PPP3CA: variants seen among roughly 807,000 people sequenced by gnomAD.
The protein encoded by PPP3CA is protein phosphatase 3 catalytic subunit alpha.
Under a neutral mutation model 66.5 loss-of-function variants are expected in PPP3CA, and 14 were observed. The ratio of observed to expected loss-of-function variants is 0.21; its 90% CI spans 0.14 to 0.33. The LOEUF is 0.33. PPP3CA is among the 10% of genes least tolerant of loss of function. PPP3CA has a pLI of 1.00. For synonymous variants in PPP3CA, 232 were observed against 226.2 expected (o/e 1.03, Z -0.23); for missense variants, 317 against 639.5 (o/e 0.50, Z 5.44).
chr4:101,194,337 T>A (rs181756080), intron 2 of PPP3CA, among the ~76,000 whole-genome samples: 4 of 152,186 alleles, frequency 2.6e-5, no homozygotes, highest in African/African-American at 4.8e-5. Flanking sequence ...CAAATTCAAA[T>A]ATTCATTTGA....
intron 1 of PPP3CA, among the ~76,000 whole-genome samples, chr4:101,326,108 C>T (rs1308839659): frequency 6.6e-6 from 1 of 152,078 alleles, no homozygotes; most frequent in African/African-American, 2.4e-5. Context: ...TGCACGCCAG[C>T]ATGGGCGACA....
At chr4:101,223,144 A>C (rs1284451711) in intron 1 of PPP3CA, among the ~76,000 whole-genome samples, 4 of 151,764 alleles carry the variant, frequency 2.6e-5, no homozygotes, top group Non-Finnish European at 4.4e-5. Flanking sequence ...AGTTTCCTAG[A>C]CTAATGGAAA....
At chr4:101,216,394 C>G (rs1392798993) in intron 1 of PPP3CA, among the ~76,000 whole-genome samples, 1 of 151,996 alleles carries the variant, frequency 6.6e-6, no homozygotes, top group East Asian at 1.9e-4. Flanking sequence ...TTACTGTTCC[C>G]AATCATGGTG....
At chr4:101,272,693 G>A (rs1310831118) in intron 1 of PPP3CA, among the ~76,000 whole-genome samples, 1 of 152,096 alleles carries the variant, frequency 6.6e-6, no homozygotes, top group Admixed American at 6.6e-5. Flanking sequence ...GAGATTAAAT[G>A]CATTAATATC....
At chr4:101,090,480 T>C (rs1365793822) in intron 6 of PPP3CA, among the ~76,000 whole-genome samples, 1 of 151,506 alleles carries the variant, frequency 6.6e-6, no homozygotes, top group Non-Finnish European at 1.5e-5. Context: ...CCGTCTCTAC[T>C]AAAAATAAAA....
chr4:101,105,989 G>A (rs1231580886), intron 3 of PPP3CA, among the ~76,000 whole-genome samples: 4 of 151,992 alleles, frequency 2.6e-5, no homozygotes, highest in African/African-American at 9.7e-5. Context: ...ATGAATTTAA[G>A]AGTTACTAAA....
intron 1 of PPP3CA, among the ~76,000 whole-genome samples, chr4:101,203,227 T>C (rs1725024571): frequency 1.3e-5 from 2 of 152,178 alleles, no homozygotes; most frequent in Admixed American, 1.3e-4. Context: ...CCGGGTGCGG[T>C]GGCTCACGCT....
intron 2 of PPP3CA, among the ~76,000 whole-genome samples, chr4:101,189,559 A>T (rs1309928316): frequency 6.6e-6 from 1 of 151,982 alleles, no homozygotes; most frequent in African/African-American, 2.4e-5. Flanking sequence ...GGGTAACCAT[A>T]GTAAGATAGA....
intron 1 of PPP3CA, among the ~76,000 whole-genome samples, chr4:101,307,149 C>T (rs1360581575): frequency 6.9e-6 from 1 of 145,420 alleles, no homozygotes; most frequent in Non-Finnish European, 1.5e-5. Context: ...TTAATCACTG[C>T]ACTAATTTCA....
At chr4:101,173,562 T>C (rs942965454) in intron 2 of PPP3CA, among the ~76,000 whole-genome samples, 1 of 152,174 alleles carries the variant, frequency 6.6e-6, no homozygotes, top group African/African-American at 2.4e-5. Context: ...TCAGGATTTA[T>C]ATAGCTAGAG....
At chr4:101,202,970 T>C (rs774796107) in intron 1 of PPP3CA, among the ~76,000 whole-genome samples, 16 of 152,306 alleles carry the variant, frequency 1.1e-4, no homozygotes, top group East Asian at 1.9e-4. Flanking sequence ...TGCTAGCAGA[T>C]TGAATACCTC....
At chr4:101,190,739 C>T (rs1246747861) in intron 2 of PPP3CA, among the ~76,000 whole-genome samples, 1 of 152,168 alleles carries the variant, frequency 6.6e-6, no homozygotes, top group Non-Finnish European at 1.5e-5. Context: ...GGAAAAACTA[C>T]ACACATAAAC....
intron 2 of PPP3CA, among the ~76,000 whole-genome samples, chr4:101,180,054 C>T (rs1356487142): frequency 6.6e-6 from 1 of 152,004 alleles, no homozygotes; most frequent in Non-Finnish European, 1.5e-5. Flanking sequence ...ATTAATGCAC[C>T]CAAAGTTATA....
At chr4:101,246,809 T>C (rs1726495516) in intron 1 of PPP3CA, among the ~76,000 whole-genome samples, 1 of 152,160 alleles carries the variant, frequency 6.6e-6, no homozygotes. Context: ...TTGTGATTTA[T>C]AATAGACTTA....
chr4:101,156,478 C>T (rs890001985), intron 2 of PPP3CA, among the ~76,000 whole-genome samples: 28 of 152,210 alleles, frequency 1.8e-4, no homozygotes, highest in African/African-American at 4.8e-4. Context: ...GTCGGGAGTT[C>T]GAGACCAGCC....
At chr4:101,139,027 A>C (rs148716491) in intron 2 of PPP3CA, among the ~76,000 whole-genome samples, 4 of 152,286 alleles carry the variant, frequency 2.6e-5, no homozygotes, top group African/African-American at 9.6e-5. Context: ...AAACAATCCA[A>C]GTATTTTAAT....
chr4:101,207,924 A>T (rs1725184908), intron 1 of PPP3CA, among the ~76,000 whole-genome samples: 1 of 152,186 alleles, frequency 6.6e-6, no homozygotes, highest in Non-Finnish European at 1.5e-5. Context: ...AATTCCCATG[A>T]TATATGACTT....
intron 2 of PPP3CA, among the ~76,000 whole-genome samples, chr4:101,176,704 G>C (rs1212757296): frequency 6.6e-6 from 1 of 152,040 alleles, no homozygotes; most frequent in African/African-American, 2.4e-5. Flanking sequence ...TAACCCTTGA[G>C]AACAATCAAG....
chr4:101,334,807 CT>C (rs1729572656), intron 1 of PPP3CA, among the ~76,000 whole-genome samples: 1 of 152,072 alleles, frequency 6.6e-6, no homozygotes, highest in African/African-American at 2.4e-5. Flanking sequence ...CTCGGCCTTT[CT>C]TCCCCCCAGA....
Sources: gnomAD v4.1 joint callset for allele counts (sites outside exome capture counted in the v4.1 genomes callset) on GRCh38, gnomAD v4.1.1 for gene constraint, MANE v1.5 for transcripts, NCBI Gene and HGNC (gene_info 2026-07-23, HGNC 2026-07-21) for gene names.